The following RBMS3 variants were observed in gnomAD, a reference collection of about 807,000 sequenced individuals.
RBMS3 encodes the protein RNA binding motif single stranded interacting protein 3.
RBMS3 carries 27 observed loss-of-function variants against 66.8 expected under a neutral mutation model. The observed-to-expected ratio is 0.40, with a 90% CI of 0.30 to 0.56. The LOEUF (loss-of-function observed/expected upper bound fraction) is 0.56, where lower values mean the gene tolerates loss of function less well. RBMS3 is among the 20% of genes least tolerant of loss of function. RBMS3 has a pLI of 0.40. For missense variants in RBMS3, 513 were observed against 549.5 expected (o/e 0.93, Z 0.66); for synonymous variants, 188 against 183.0 (o/e 1.03, Z -0.22).
At chr3:29,337,147 G>A (rs1484081874) in intron 1 of RBMS3, among the ~76,000 whole-genome samples, 1 of 151,922 alleles carries the variant, frequency 6.6e-6, no homozygotes, top group Non-Finnish European at 1.5e-5. Flanking sequence ...TTTAAAGTTG[G>A]TGCTCATTTA....
intron 3 of RBMS3, among the ~76,000 whole-genome samples, chr3:29,499,800 C>T (rs774114337): frequency 3.9e-5 from 6 of 152,148 alleles, no homozygotes; most frequent in Non-Finnish European, 5.9e-5. Flanking sequence ...CTGCAGATAT[C>T]ACAGCTGTTC....
At chr3:29,692,453 G>A (rs12106994) in intron 4 of RBMS3, among the ~76,000 whole-genome samples, 87,870 of 151,954 alleles carry the variant, frequency 0.58, 25,578 homozygotes, top group African/African-American at 0.63. Context: ...GCTTTAGTGA[G>A]TTGAACTTGA....
At chr3:29,288,855 G>A (rs892135082) in intron 1 of RBMS3, among the ~76,000 whole-genome samples, 2 of 151,932 alleles carry the variant, frequency 1.3e-5, no homozygotes, top group African/African-American at 4.8e-5. Flanking sequence ...CTATACTGTA[G>A]TATTGTAGGA....
At chr3:29,680,760 C>T (rs1037084389) in intron 4 of RBMS3, among the ~76,000 whole-genome samples, 2 of 152,064 alleles carry the variant, frequency 1.3e-5, no homozygotes, top group African/African-American at 2.4e-5. Flanking sequence ...TTCAATAAGG[C>T]ATCTATTACA....
At chr3:29,955,163 T>G (rs1437622176) in intron 12 of RBMS3, among the ~76,000 whole-genome samples, 2 of 151,990 alleles carry the variant, frequency 1.3e-5, no homozygotes, top group Non-Finnish European at 2.9e-5. Context: ...CTCACTGGCC[T>G]CTGCTTGAGA....
At chr3:29,631,565 T>C (rs2149176715) in intron 4 of RBMS3, among the ~76,000 whole-genome samples, 1 of 152,080 alleles carries the variant, frequency 6.6e-6, no homozygotes, top group East Asian at 1.9e-4. Context: ...GTAAGACATG[T>C]TGACACACCA....
chr3:29,942,956 A>C (rs2149701868), intron 11 of RBMS3, among the ~76,000 whole-genome samples: 1 of 151,872 alleles, frequency 6.6e-6, no homozygotes, highest in Middle Eastern at 3.4e-3. Flanking sequence ...TCAACTCAGT[A>C]GTTCAGGTAT....
chr3:29,479,672 A>G (rs1346235610), intron 2 of RBMS3, among the ~76,000 whole-genome samples: 1 of 152,180 alleles, frequency 6.6e-6, no homozygotes, highest in Non-Finnish European at 1.5e-5. Context: ...TTAGCAAGAA[A>G]AGGGGAAATT....
At chr3:29,914,738 G>GA (rs2060597025) in intron 10 of RBMS3, among the ~76,000 whole-genome samples, 1 of 151,832 alleles carries the variant, frequency 6.6e-6, no homozygotes, top group Non-Finnish European at 1.5e-5. Context: ...GATAAGTTAG[G>GA]AAAATAGAGA....
At chr3:29,509,997 T>C (rs1326028354) in intron 3 of RBMS3, among the ~76,000 whole-genome samples, 2 of 152,224 alleles carry the variant, frequency 1.3e-5, no homozygotes, top group Non-Finnish European at 2.9e-5. Context: ...AAAATGATCA[T>C]GCATGTGATT....
chr3:30,002,232 G>A (rs544423555), intron 14 of RBMS3, among the ~76,000 whole-genome samples: 1 of 152,156 alleles, frequency 6.6e-6, no homozygotes, highest in East Asian at 1.9e-4. Context: ...ACTTGAGCTT[G>A]ATGGGTCAGG....
chr3:29,737,222 G>C (rs1250247483), intron 4 of RBMS3, among the ~76,000 whole-genome samples: 2 of 152,088 alleles, frequency 1.3e-5, no homozygotes, highest in Non-Finnish European at 2.9e-5. Context: ...TGATCCACCC[G>C]CCTCGGCCTC....
At position 29,938,676 on chromosome 3, in the gene RBMS3, T is replaced by A. The variant is rs111327023; in HGVS notation, c.1050+2480T>A. ...TGGAGTGACTATTATCCAGTTGAGGTTGATTTTGGAAAATCAGATTTTTCT... is the reference window on the plus strand; with the variant it reads ...TGGAGTGACTATTATCCAGTTGAGGATGATTTTGGAAAATCAGATTTTTCT... On this transcript the variant is annotated intron_variant, in intron 11 of 14. Transcript: ENST00000383767. 8.7e-3 allele frequency among the ~76,000 whole-genome samples: 1,319 copies of A among 152,040 alleles called. 20 individuals carry two copies. Among genetic ancestry groups the A allele is most frequent in the African/African-American group, 0.03 (1,251 of 41,500 alleles).
intron 3 of RBMS3, among the ~76,000 whole-genome samples, chr3:29,558,272 C>G (rs1407917748): frequency 6.6e-6 from 1 of 151,396 alleles, no homozygotes; most frequent in Non-Finnish European, 1.5e-5. Context: ...ACTAGATTAA[C>G]TGGAACAGAA....
At chr3:29,968,469 G>A (rs1697000341) in intron 12 of RBMS3, among the ~76,000 whole-genome samples, 1 of 152,142 alleles carries the variant, frequency 6.6e-6, no homozygotes. Flanking sequence ...TCCCTGTGGT[G>A]CCAGGCAGGA....
At chr3:29,466,886 T>C (rs1211239416) in intron 2 of RBMS3, among the ~76,000 whole-genome samples, 1 of 152,214 alleles carries the variant, frequency 6.6e-6, no homozygotes, top group Non-Finnish European at 1.5e-5. Context: ...TACCATTGTA[T>C]TCAGTGATAC....
intron 4 of RBMS3, among the ~76,000 whole-genome samples, chr3:29,667,695 G>T (rs913236684): frequency 6.6e-6 from 1 of 152,086 alleles, no homozygotes; most frequent in Non-Finnish European, 1.5e-5. Context: ...TAGCAACCAT[G>T]AATATTATTT....
chr3:29,392,687 T>C (rs913948353), intron 1 of RBMS3, among the ~76,000 whole-genome samples: 8 of 152,156 alleles, frequency 5.3e-5, no homozygotes, highest in South Asian at 2.1e-4. Flanking sequence ...ACCATGATTC[T>C]ACAGTGGAGA....
At chr3:29,780,218 G>GC (rs980201700) in intron 6 of RBMS3, among the ~76,000 whole-genome samples, 1 of 151,790 alleles carries the variant, frequency 6.6e-6, no homozygotes, top group African/African-American at 2.4e-5. Flanking sequence ...AACCAGATAT[G>GC]CCCCTGAGCG....
Sources: allele counts gnomAD v4.1 joint callset (sites outside exome capture counted in the v4.1 genomes callset), GRCh38; gene constraint gnomAD v4.1.1; transcripts MANE v1.5; gene names NCBI Gene and HGNC (gene_info 2026-07-23, HGNC 2026-07-21).